The following SIN3A variants were observed in gnomAD, a reference collection of about 807,000 sequenced individuals.
The protein encoded by SIN3A is paired amphipathic helix protein Sin3a.
In SIN3A, 14 loss-of-function variants were observed where a neutral mutation model predicts 146.1. That is an observed-to-expected ratio of 0.10 (90% CI 0.06 to 0.15). The LOEUF is 0.15. Among genes scored for constraint, SIN3A ranks in the 10% least tolerant of loss-of-function variants. The pLI is 1.00. For missense variants in SIN3A, 1,028 were observed against 1,576.0 expected (o/e 0.65, Z 5.89); for synonymous variants, 572 against 572.0 (o/e 1.00, Z 0.00).
chr15:75,413,535 T>C (rs2073681396), intron 4 of SIN3A, among the ~76,000 whole-genome samples: 1 of 147,898 alleles, frequency 6.8e-6, no homozygotes, highest in Non-Finnish European at 1.5e-5. Context: ...CAAAGATACT[T>C]GGCCACAATT....
intron 3 of SIN3A, chr15:75,415,912 GA>G (rs1415745653): frequency 5.4e-5 from 16 of 298,454 alleles, no homozygotes; most frequent in South Asian, 1.1e-4. Flanking sequence ...TACCCAAAGG[GA>G]AAAAGGAAAA....
Position 75,377,638 on chromosome 15 carries a change from GA to G in SIN3A, c.3384-1767del, listed in dbSNP as rs1007214013. Among the ~76,000 whole-genome samples, 4 of 147,954 alleles carry G rather than the reference GA, an allele frequency of 2.7e-5. 1 individual carries two copies. Among genetic ancestry groups the G allele is most frequent in the African/African-American group, 5.0e-5 (2 of 40,230 alleles). ...AGACTCTGCCTCAAAAAAAAAAAAA[GA>G]AAAAAAAAGTTTCTGATGAAGCAGT... On this transcript the variant is annotated intron_variant, in intron 19 of 20. Transcript: ENST00000394947.
chr15:75,418,867 GC>G (rs1337241355), intron 3 of SIN3A, among the ~76,000 whole-genome samples: 2 of 151,796 alleles, frequency 1.3e-5, no homozygotes, highest in East Asian at 3.9e-4. Context: ...CCATTCTCCT[GC>G]CTCAGCCTCC....
intron 16 of SIN3A, among the ~76,000 whole-genome samples, chr15:75,387,527 G>T (rs1595891805): frequency 3.4e-5 from 4 of 119,374 alleles, no homozygotes; most frequent in Non-Finnish European, 3.4e-5. Context: ...AAAAGTCACT[G>T]TTTTGGGGTT....
In SIN3A at chr15:75,375,844, G is replaced by C. The variant is rs763801195; in HGVS notation, c.3412C>G (p.Arg1138Gly). ...RNLRRIRKCQ[R>G]GREQQEKEGK... Reference sequence around the variant, plus strand: ...TCCTTTTCCTGCTGCTCTCGACCACGTTGACACTTCCGGATCCGCCGTAGA... The same window carrying C: ...TCCTTTTCCTGCTGCTCTCGACCACCTTGACACTTCCGGATCCGCCGTAGA... The change falls in exon 20 of 21, where the codon CGT (arginine) becomes GGT (glycine). Residue 1138 changes from arginine (R) to glycine (G), a missense_variant. Coordinates refer to ENST00000394947, the MANE Select transcript of SIN3A (RefSeq NM_001145358.2). 6.2e-7 allele frequency: 1 copy of C among 1,613,946 alleles called. No homozygotes were observed. Among genetic ancestry groups the C allele is most frequent in the South Asian group, 1.1e-5 (1 of 91,074 alleles).
rs751727518 is a variant in SIN3A, at chr15:75,401,990, G to A, written c.1408-20C>T. The A allele has an allele frequency of 3.3e-5, 49 of 1,495,074 alleles. No individual in the cohort carries two copies. The Middle Eastern group carries it at 5.2e-4, about 16-fold the overall frequency. 92.6% of individuals were successfully genotyped at this position (1,495,074 alleles called of 1,614,324 possible). On this transcript the variant is annotated intron_variant, in intron 9 of 20. Coordinates refer to ENST00000394947, the MANE Select transcript of SIN3A (RefSeq NM_001145358.2). ...TCGGACCTTATGGAGACAACGGGAA[G>A]AAAAACAGTTTTTGTTTTTCTTAAA... is the stretch of plus-strand genomic sequence containing the variant.
rs1595896211 is a variant in SIN3A, at chr15:75,394,672, C to G, written c.2277+8G>C. On this transcript the variant is annotated splice_region_variant and intron_variant, in intron 14 of 20. Transcript: ENST00000394947. ...GTCCTCTCACAGATGCAGAAACCCCCCGCTCACCTCATCATAGATACTCTC... is the reference window on the plus strand; with the variant it reads ...GTCCTCTCACAGATGCAGAAACCCCGCGCTCACCTCATCATAGATACTCTC... 1.2e-6 allele frequency: 2 copies of G among 1,601,104 alleles called. No homozygotes were observed. Among genetic ancestry groups the G allele is most frequent in the African/African-American group, 1.3e-5 (1 of 74,396 alleles).
intron 1 of SIN3A, among the ~76,000 whole-genome samples, chr15:75,444,987 T>C (rs1396909934): frequency 2.0e-5 from 3 of 150,104 alleles, no homozygotes; most frequent in East Asian, 2.0e-4. Context: ...CTCAGCACTT[T>C]GGGTGTCTGA....
chr15:75,418,204 G>T (rs909028836), intron 3 of SIN3A, among the ~76,000 whole-genome samples: 2 of 151,378 alleles, frequency 1.3e-5, no homozygotes, highest in South Asian at 2.1e-4. Context: ...GCTAATTTTT[G>T]TATTTTTAGT....
intron 9 of SIN3A, 98 bp downstream of exon 9, chr15:75,406,953 CTAAT>C (rs1322479502): frequency 5.7e-6 from 4 of 702,480 alleles, no homozygotes; most frequent in Admixed American, 3.0e-5. Context: ...ACAGAAAGTC[CTAAT>C]TAGCCTGACA....
At chr15:75,416,380 C>T (rs1413358148) in intron 3 of SIN3A, among the ~76,000 whole-genome samples, 1 of 152,186 alleles carries the variant, frequency 6.6e-6, no homozygotes, top group Non-Finnish European at 1.5e-5. Context: ...GGCTGGAGTG[C>T]AGTGGTGCGA....
chr15:75,446,496 T>G (rs1327555568), intron 1 of SIN3A: 1 of 151,666 alleles, frequency 6.6e-6, no homozygotes, highest in Non-Finnish European at 1.5e-5. Flanking sequence ...CTTACAGGTG[T>G]TTTTTTATTT....
intron 19 of SIN3A, among the ~76,000 whole-genome samples, chr15:75,378,160 A>C (rs1034160816): frequency 2.0e-5 from 3 of 152,260 alleles, no homozygotes; most frequent in Admixed American, 1.3e-4. Flanking sequence ...AAGTTACAAA[A>C]TCATAGAGGA....
intron 5 of SIN3A, 69 bp from the exon 6 acceptor site, chr15:75,411,812 A>G: frequency 6.8e-7 from 1 of 1,477,156 alleles, no homozygotes; most frequent in South Asian, 1.4e-5. Flanking sequence ...AGTTCAAACT[A>G]AAGAGAAACA....
At chr15:75,383,729 C>A (rs573725479) in intron 17 of SIN3A, among the ~76,000 whole-genome samples, 9 of 152,192 alleles carry the variant, frequency 5.9e-5, no homozygotes, top group Admixed American at 4.6e-4. Context: ...GGGGGCAATC[C>A]TTCTACCTCA....
At chr15:75,380,165 G>A (rs1019874593) in intron 19 of SIN3A, among the ~76,000 whole-genome samples, 3 of 152,218 alleles carry the variant, frequency 2.0e-5, no homozygotes, top group Non-Finnish European at 4.4e-5. Flanking sequence ...ACAGCATTTT[G>A]CATGTGTTGT....
chr15:75,432,958 C>G (rs2141581446), intron 1 of SIN3A, among the ~76,000 whole-genome samples: 1 of 152,236 alleles, frequency 6.6e-6, no homozygotes, highest in Middle Eastern at 3.4e-3. Context: ...GGGAGAATCG[C>G]TTGAACCTGG....
chr15:75,385,724 T>A lies in SIN3A; in HGVS notation c.3022-1287A>T, dbSNP rs1486292365. 3.3e-5 allele frequency among the ~76,000 whole-genome samples: 5 copies of A among 152,346 alleles called. No homozygotes were observed. The South Asian group carries it at 1.0e-3, about 32-fold the overall frequency. On this transcript the variant is annotated intron_variant, in intron 16 of 20. Coordinates refer to ENST00000394947, the MANE Select transcript of SIN3A (RefSeq NM_001145358.2). ...TCTTTTTAAGTGTTAGGAACCATGA[T>A]AACTATTTATTCTTAAGTCCTAAAT...
intron 17 of SIN3A, among the ~76,000 whole-genome samples, chr15:75,383,056 C>T (rs1000753367): frequency 3.3e-5 from 5 of 151,636 alleles, no homozygotes; most frequent in African/African-American, 1.2e-4. Flanking sequence ...CACTGCACTC[C>T]AAGCCTGGAC....
Sources: allele counts gnomAD v4.1 joint callset (sites outside exome capture counted in the v4.1 genomes callset), GRCh38; gene constraint gnomAD v4.1.1; transcripts MANE v1.5; gene names NCBI Gene and HGNC (gene_info 2026-07-23, HGNC 2026-07-21).